The following CAST variants were observed in gnomAD, a reference collection of about 807,000 sequenced individuals.
CAST encodes MIR583 host.
CAST carries 76 observed loss-of-function variants against 119.6 expected under a neutral mutation model. The ratio of observed to expected loss-of-function variants is 0.64; its 90% confidence interval spans 0.53 to 0.77. CAST has a LOEUF of 0.77. Among genes scored for constraint, CAST ranks in the 30% least tolerant of loss-of-function variants. The pLI, the probability that CAST is intolerant of heterozygous loss-of-function variation, is 0.00. For missense variants in CAST, 953 were observed against 946.5 expected, an observed-to-expected ratio of 1.01 and a Z score of -0.09; for synonymous variants, 319 against 331.6, an observed-to-expected ratio of 0.96 and a Z score of 0.41.
chr5:96,527,589 T>C (rs1745616525), upstream of CAST, among the ~76,000 whole-genome samples: 1 of 152,200 alleles, frequency 6.6e-6, no homozygotes, highest in Admixed American at 6.5e-5. Flanking sequence ...TGATACAAGC[T>C]AATGTCAGTA....
upstream of CAST, among the ~76,000 whole-genome samples, chr5:96,661,465 A>G (rs576668529): frequency 6.7e-6 from 1 of 149,686 alleles, no homozygotes; most frequent in African/African-American, 2.5e-5. Context: ...CTCTCTCTTC[A>G]ACTGTCTAAA....
Position 96,748,614 on chromosome 5 carries a change from G to T in CAST, c.1428+1G>T. 1 of 1,382,232 alleles carries T rather than the reference G, an allele frequency of 7.2e-7. No individual in the cohort carries two copies. The allele number at this position is 1,382,232 out of a possible 1,614,324, so 85.6% of individuals were successfully genotyped here. A position where few individuals can be genotyped will look rare whatever the true frequency, so the allele number is the denominator to read the frequency against. ...ATCTAAGCCAACTGAAAAGACAGAAGTATGTTTCTAAACATATAAATCTCT... is the reference window on the plus strand; with the variant it reads ...ATCTAAGCCAACTGAAAAGACAGAATTATGTTTCTAAACATATAAATCTCT... On this transcript the variant is annotated splice_donor_variant, in intron 19 of 31. Coordinates refer to ENST00000675179, the MANE Select transcript of CAST (RefSeq NM_001750.7). LOFTEE classifies it high-confidence loss of function.
intron 4 of CAST, among the ~76,000 whole-genome samples, chr5:96,723,198 G>A (rs1293299340): frequency 6.6e-6 from 1 of 152,014 alleles, no homozygotes; most frequent in Non-Finnish European, 1.5e-5. Context: ...TTCCTGGGCC[G>A]AAGCAGTCCT....
At chr5:95,993,666 G>C in the CAST span, among the ~76,000 whole-genome samples, 10 of 152,094 alleles carry the variant, frequency 6.6e-5, no homozygotes, top group Non-Finnish European at 1.3e-4. Flanking sequence ...ATTTTATTTT[G>C]TGAAAGGTAC....
chr5:96,499,650 T>G, the CAST span, among the ~76,000 whole-genome samples: 1 of 152,222 alleles, frequency 6.6e-6, no homozygotes, highest in African/African-American at 2.4e-5. Context: ...GAAAGATTTG[T>G]CTGGACTATG....
At chr5:96,567,727 G>A (rs538280735) in intron 1 of CAST, among the ~76,000 whole-genome samples, 4 of 152,200 alleles carry the variant, frequency 2.6e-5, no homozygotes, top group Admixed American at 6.5e-5. Flanking sequence ...AGCCAGTCAC[G>A]TATTAATTCA....
At chr5:96,639,832 C>A (rs972540058) in intron 1 of CAST, among the ~76,000 whole-genome samples, 1 of 152,128 alleles carries the variant, frequency 6.6e-6, no homozygotes, top group Non-Finnish European at 1.5e-5. Flanking sequence ...GTTCCCTCAA[C>A]TTTGGATGGC....
At chr5:96,315,491 G>T in the CAST span, among the ~76,000 whole-genome samples, 1 of 152,186 alleles carries the variant, frequency 6.6e-6, no homozygotes, top group African/African-American at 2.4e-5. Context: ...GATCATCTTT[G>T]CCAGGGTAGA....
At chr5:96,591,981 G>A in intron 1 of CAST, among the ~76,000 whole-genome samples, 1 of 152,210 alleles carries the variant, frequency 6.6e-6, no homozygotes, top group East Asian at 1.9e-4. Context: ...AAGAGGATCA[G>A]CAAGCCCAAA....
intron 1 of CAST, among the ~76,000 whole-genome samples, chr5:96,663,519 G>C (rs1010300148): frequency 2.6e-5 from 4 of 152,376 alleles, no homozygotes; most frequent in African/African-American, 9.6e-5. Flanking sequence ...CTAGGACGCA[G>C]CTCGCAAGAG....
At chr5:96,031,572 G>C in the CAST span, among the ~76,000 whole-genome samples, 6 of 151,946 alleles carry the variant, frequency 3.9e-5, no homozygotes, top group Non-Finnish European at 8.8e-5. Context: ...CTGCTATTTT[G>C]GTTTTATTTT....
At chr5:96,469,858 T>TGC in the CAST span, among the ~76,000 whole-genome samples, 1 of 109,008 alleles carries the variant, frequency 9.2e-6, no homozygotes, top group African/African-American at 3.8e-5. Context: ...TATATATATA[T>TGC]GTGTGTGTAT....
At chr5:96,173,738 A>G in the CAST span, among the ~76,000 whole-genome samples, 1 of 150,148 alleles carries the variant, frequency 6.7e-6, no homozygotes, top group African/African-American at 2.5e-5. Flanking sequence ...AGATAAATGA[A>G]CTTTTTTTTT....
intron 1 of CAST, among the ~76,000 whole-genome samples, chr5:96,646,501 G>A (rs1748015781): frequency 6.6e-6 from 1 of 152,180 alleles, no homozygotes; most frequent in Non-Finnish European, 1.5e-5. Flanking sequence ...AATGAAAAAG[G>A]CAATGTGAAA....
the CAST span, among the ~76,000 whole-genome samples, chr5:96,098,257 T>C: frequency 6.6e-6 from 1 of 152,346 alleles, no homozygotes; most frequent in South Asian, 2.1e-4. Flanking sequence ...GCAAATATTT[T>C]CTCCCATTCT....
At chr5:96,536,297 T>A (rs1162831312) in intron 1 of CAST, among the ~76,000 whole-genome samples, 1 of 152,056 alleles carries the variant, frequency 6.6e-6, no homozygotes, top group Non-Finnish European at 1.5e-5. Flanking sequence ...AGGTGGAGGT[T>A]ACGGTGAGCC....
chr5:96,187,532 T>G, the CAST span, among the ~76,000 whole-genome samples: 104 of 152,346 alleles, frequency 6.8e-4, no homozygotes, highest in South Asian at 5.8e-3. Flanking sequence ...GCAGGGATTC[T>G]GGTACATTGT....
chr5:96,457,808 G>T, the CAST span, among the ~76,000 whole-genome samples: 147 of 152,222 alleles, frequency 9.7e-4, no homozygotes, highest in African/African-American at 3.4e-3. Flanking sequence ...GATGGTGTGG[G>T]GACACATACC....
chr5:96,089,540 A>G, the CAST span, among the ~76,000 whole-genome samples: 1 of 152,238 alleles, frequency 6.6e-6, no homozygotes, highest in Non-Finnish European at 1.5e-5. Flanking sequence ...TTAAAAGGAT[A>G]AGGTGGGTCT....
Sources: allele counts gnomAD v4.1 joint callset (sites outside exome capture counted in the v4.1 genomes callset), GRCh38; gene constraint gnomAD v4.1.1; transcripts MANE v1.5; gene names NCBI Gene and HGNC (gene_info 2026-07-23, HGNC 2026-07-21).